Variants in ZDHHC15 observed in about 807,000 individuals in gnomAD.
ZDHHC15 encodes palmitoyltransferase ZDHHC15.
A neutral mutation model predicts 31.7 loss-of-function variants in ZDHHC15; 19 were observed. The observed-to-expected ratio is 0.60, with a 90% CI of 0.42 to 0.88. The LOEUF (loss-of-function observed/expected upper bound fraction) is 0.88. Among genes scored for constraint, ZDHHC15 ranks in the 40% least tolerant of loss-of-function variants. The pLI, the probability that ZDHHC15 is intolerant of heterozygous loss-of-function variation, is 0.00. For missense variants in ZDHHC15, 209 were observed against 251.2 expected, an observed-to-expected ratio of 0.83 and a Z score of 1.14; for synonymous variants, 103 against 90.0, an observed-to-expected ratio of 1.14 and a Z score of -0.82.
At chrX:75,389,201 T>C (rs2083214335) in intron 10 of ZDHHC15, among the ~76,000 whole-genome samples, 1 of 111,636 alleles carries the variant, frequency 9.0e-6, no homozygotes, top group South Asian at 3.8e-4. Flanking sequence ...ATCCCAGTGG[T>C]CAGAACCTGA....
intron 8 of ZDHHC15, among the ~76,000 whole-genome samples, chrX:75,422,965 C>A (rs919423360): frequency 1.8e-4 from 13 of 72,720 alleles, no homozygotes; most frequent in Non-Finnish European, 3.2e-4. Context: ...CTCCCCCCAC[C>A]CCACAACAGG....
chrX:75,488,922 T>C (rs1247808826), intron 2 of ZDHHC15, among the ~76,000 whole-genome samples: 1 of 111,900 alleles, frequency 8.9e-6, no homozygotes, highest in Non-Finnish European at 1.9e-5. Context: ...TTTCCAATGG[T>C]CTTAGCAAAC....
At chrX:75,473,766 C>G (rs1414526739) in intron 3 of ZDHHC15, among the ~76,000 whole-genome samples, 1 of 111,893 alleles carries the variant, frequency 8.9e-6, no homozygotes, top group African/African-American at 3.2e-5. Flanking sequence ...TTTCCTCCTT[C>G]TTTTCTTAAA....
chrX:75,500,846 T>A (rs981531224), intron 2 of ZDHHC15, among the ~76,000 whole-genome samples: 2 of 110,188 alleles, frequency 1.8e-5, no homozygotes, highest in African/African-American at 6.6e-5. Context: ...TAAAAGATCA[T>A]ACTGTAGCCC....
chrX:75,518,794 TATATATATATATAC>T (rs1234927764), intron 1 of ZDHHC15, among the ~76,000 whole-genome samples: 2 of 26,421 alleles, frequency 7.6e-5, no homozygotes, highest in African/African-American at 2.2e-4. Context: ...TATATATATA[TATATATATATATAC>T]ACACACACAC....
intron 4 of ZDHHC15, among the ~76,000 whole-genome samples, chrX:75,438,582 A>G (rs1351744427): frequency 9.0e-6 from 1 of 111,542 alleles, no homozygotes; most frequent in Non-Finnish European, 1.9e-5. Flanking sequence ...AAGACAGCAG[A>G]TACTTGGTTG....
At chrX:75,444,576 C>T (rs1214801566) in intron 4 of ZDHHC15, among the ~76,000 whole-genome samples, 1 of 96,621 alleles carries the variant, frequency 1.0e-5, no homozygotes, top group Non-Finnish European at 2.0e-5. Flanking sequence ...ATGTAGCAAA[C>T]CTGCACGTTA....
intron 5 of ZDHHC15, 57 bp from the exon 6 acceptor site, chrX:75,430,037 C>T (rs2083761272): frequency 8.8e-7 from 1 of 1,136,774 alleles, no homozygotes. Context: ...GAAGCAACAT[C>T]TCATAATTAA....
At chrX:75,520,290 G>T (rs940563569) in intron 1 of ZDHHC15, among the ~76,000 whole-genome samples, 1 of 111,830 alleles carries the variant, frequency 8.9e-6, no homozygotes, top group African/African-American at 3.2e-5. Context: ...GACTAAAGAA[G>T]AACTTATAGA....
chrX:75,393,474 T>G (rs939800667), intron 10 of ZDHHC15, among the ~76,000 whole-genome samples: 13 of 111,299 alleles, frequency 1.2e-4, no homozygotes, highest in Non-Finnish European at 1.5e-4. Context: ...AGGTCAAAAG[T>G]ATTATGTATA....
chrX:75,373,926 G>GTTTTTTTTTTTTTT lies in ZDHHC15; in HGVS notation c.*33-995_*33-982dup, dbSNP rs35704680. 1.2e-3 allele frequency among the ~76,000 whole-genome samples: 60 copies of GTTTTTTTTTTTTTT among 50,457 alleles called. 9 individuals are homozygous for GTTTTTTTTTTTTTT. Among genetic ancestry groups the GTTTTTTTTTTTTTT allele is most frequent in the African/African-American group, 3.9e-3 (51 of 13,190 alleles). The allele number at this position is 50,457 out of a possible 115,157, so 43.8% of individuals were successfully genotyped here. ...ATACTAGGTCTTATTCATTCTTTCT[G>GTTTTTTTTTTTTTT]TTTTTTTTTTTTTTTTTTTTTTGTA... On this transcript the variant is annotated intron_variant, in intron 11 of 11. Coordinates refer to ENST00000373367, the MANE Select transcript of ZDHHC15 (RefSeq NM_144969.3).
intron 10 of ZDHHC15, among the ~76,000 whole-genome samples, chrX:75,382,974 C>T (rs1402738153): frequency 8.9e-6 from 1 of 111,795 alleles, no homozygotes; most frequent in Non-Finnish European, 1.9e-5. Flanking sequence ...AGAGCTCTAT[C>T]CATATTTTTA....
chrX:75,417,627 C>G (rs1317132768), intron 9 of ZDHHC15, among the ~76,000 whole-genome samples: 1 of 111,815 alleles, frequency 8.9e-6, no homozygotes, highest in Non-Finnish European at 1.9e-5. Flanking sequence ...CGCAAATGCA[C>G]TGTTATTTAT....
At chrX:75,446,283 C>T (rs1203493851) in intron 4 of ZDHHC15, among the ~76,000 whole-genome samples, 1 of 111,118 alleles carries the variant, frequency 9.0e-6, no homozygotes, top group Admixed American at 9.6e-5. Context: ...TGCTAAAACA[C>T]GATGAAAAGG....
At chrX:75,486,566 A>C (rs1289721875) in intron 2 of ZDHHC15, among the ~76,000 whole-genome samples, 1 of 112,227 alleles carries the variant, frequency 8.9e-6, no homozygotes, top group African/African-American at 3.2e-5. Flanking sequence ...ATGCTTTCTC[A>C]CTGGGGAGGC....
chrX:75,519,699 G>A (rs1178268065), intron 1 of ZDHHC15, among the ~76,000 whole-genome samples: 1 of 112,020 alleles, frequency 8.9e-6, no homozygotes, highest in Non-Finnish European at 1.9e-5. Context: ...TATTTGTGTT[G>A]GAAAAGGTAT....
intron 4 of ZDHHC15, among the ~76,000 whole-genome samples, chrX:75,445,920 T>C (rs897183891): frequency 2.2e-4 from 25 of 111,253 alleles, no homozygotes; most frequent in East Asian, 2.8e-4. Context: ...CAACGCTGCG[T>C]TGCTTGAGGA....
chrX:75,393,959 A>AT (rs1056914610), intron 10 of ZDHHC15, among the ~76,000 whole-genome samples: 14 of 110,756 alleles, frequency 1.3e-4, no homozygotes, highest in Non-Finnish European at 2.5e-4. Flanking sequence ...ATCTTTTCAC[A>AT]TTTTTTTGCC....
At chrX:75,392,335 C>A (rs1484170452) in intron 10 of ZDHHC15, among the ~76,000 whole-genome samples, 2 of 111,959 alleles carry the variant, frequency 1.8e-5, no homozygotes, top group African/African-American at 3.2e-5. Flanking sequence ...TATATTCTAG[C>A]CACACTGACA....
Sources: allele counts gnomAD v4.1 joint callset (sites outside exome capture counted in the v4.1 genomes callset), GRCh38; gene constraint gnomAD v4.1.1; transcripts MANE v1.5; gene names NCBI Gene and HGNC (gene_info 2026-07-23, HGNC 2026-07-21).